KLF8: variants seen among roughly 807,000 people sequenced by gnomAD.
The protein encoded by KLF8 is KLF transcription factor 8, also known as Krueppel-like factor 8.
Under a neutral mutation model 18.2 loss-of-function variants are expected in KLF8, and 10 were observed. The ratio of observed to expected loss-of-function variants is 0.55; its 90% confidence interval spans 0.34 to 0.93. The LOEUF is 0.93. KLF8 is among the 40% of genes least tolerant of loss of function. The pLI is 0.02. For missense variants in KLF8, 264 were observed against 277.9 expected (o/e 0.95, Z 0.36); for synonymous variants, 109 against 97.3 (o/e 1.12, Z -0.71).
At chrX:55,970,351 A>G in the KLF8 span, among the ~76,000 whole-genome samples, 1 of 111,696 alleles carries the variant, frequency 9.0e-6, no homozygotes, top group Non-Finnish European at 1.9e-5. Flanking sequence ...TGATGCTGAA[A>G]AAAAAATTTG....
At chrX:56,079,352 C>T in the KLF8 span, among the ~76,000 whole-genome samples, 2 of 110,721 alleles carry the variant, frequency 1.8e-5, no homozygotes, top group Non-Finnish European at 3.8e-5. Context: ...TCTTTGTTCT[C>T]GTTGGTTTCA....
chrX:56,288,813 G>A lies in KLF8; in HGVS notation c.*4319G>A, dbSNP rs2067294834. Among the ~76,000 whole-genome samples the A allele has an allele frequency of 1.8e-5, 2 of 112,386 alleles. No homozygotes were observed. The highest frequency in any genetic ancestry group is 1.9e-4 in the Admixed American group (2 of 10,591). ...GTAAAAAATGCAATATCAGCAAAGT[G>A]CAATAAAGTGAAGCACAATAAAACG... On this transcript the variant is annotated 3_prime_UTR_variant, in exon 6 of 6. Coordinates refer to ENST00000468660, the MANE Select transcript of KLF8 (RefSeq NM_007250.5).
the KLF8 span, among the ~76,000 whole-genome samples, chrX:56,007,257 A>G: frequency 9.0e-6 from 1 of 110,666 alleles, no homozygotes; most frequent in African/African-American, 3.3e-5. Context: ...TGGGATGTAG[A>G]GATGCAGGGT....
the KLF8 span, among the ~76,000 whole-genome samples, chrX:56,080,904 T>A: frequency 9.0e-6 from 1 of 111,169 alleles, no homozygotes; most frequent in Non-Finnish European, 1.9e-5. Context: ...TCATTTCATC[T>A]TCCATCACTG....
At chrX:56,112,491 T>A in the KLF8 span, among the ~76,000 whole-genome samples, 39 of 112,153 alleles carry the variant, frequency 3.5e-4, no homozygotes, top group Non-Finnish European at 6.6e-4. Flanking sequence ...AAAAAAATTT[T>A]AAAAAAGAAA....
the KLF8 span, among the ~76,000 whole-genome samples, chrX:56,094,246 G>A: frequency 9.0e-6 from 1 of 110,535 alleles, no homozygotes; most frequent in Admixed American, 9.7e-5. Context: ...GACCTAGATA[G>A]GTTATAAGTA....
intron 2 of KLF8, among the ~76,000 whole-genome samples, chrX:56,259,501 A>G (rs1358333220): frequency 9.1e-6 from 1 of 110,362 alleles, no homozygotes; most frequent in Non-Finnish European, 1.9e-5. Flanking sequence ...AGTATAGCTC[A>G]CCAAACTCTT....
At chrX:56,012,848 G>T in the KLF8 span, among the ~76,000 whole-genome samples, 1 of 109,132 alleles carries the variant, frequency 9.2e-6, no homozygotes, top group Non-Finnish European at 1.9e-5. Flanking sequence ...CACAGAATTA[G>T]AAAAAAAAAC....
At chrX:56,084,813 GA>G in the KLF8 span, among the ~76,000 whole-genome samples, 1 of 111,443 alleles carries the variant, frequency 9.0e-6, no homozygotes. Flanking sequence ...ACACATGAAG[GA>G]AAAAAAGTGT....
chrX:56,133,252 T>C, the KLF8 span, among the ~76,000 whole-genome samples: 10 of 111,815 alleles, frequency 8.9e-5, no homozygotes, highest in African/African-American at 3.2e-4. Context: ...TGAACATAGA[T>C]GCAAATATCC....
rs748115907 is a variant in KLF8 at position 56,284,518 on chromosome X, G to A, written c.*24G>A. The A allele has an allele frequency of 1.7e-5, 19 of 1,094,342 alleles. No homozygotes were observed. Among genetic ancestry groups the A allele is most frequent in the Non-Finnish European group, 2.3e-5 (19 of 831,730 alleles). The allele number at this position is 1,094,342 out of a possible 1,213,427, so 90.2% of individuals were successfully genotyped here. On this transcript the variant is annotated 3_prime_UTR_variant, in exon 6 of 6. Coordinates refer to ENST00000468660, the MANE Select transcript of KLF8 (RefSeq NM_007250.5). Reference sequence around the variant, plus strand: ...GAGCCGCACAGGTCACACTAGAGAAGCTGCGCTGGTATCTTTCCTGGTCGT... The same window carrying A: ...GAGCCGCACAGGTCACACTAGAGAAACTGCGCTGGTATCTTTCCTGGTCGT...
At chrX:56,124,821 T>C in the KLF8 span, among the ~76,000 whole-genome samples, 1 of 112,463 alleles carries the variant, frequency 8.9e-6, no homozygotes, top group African/African-American at 3.2e-5. Flanking sequence ...TTTCACATTC[T>C]CATTCCCATT....
At chrX:55,936,953 G>A in the KLF8 span, among the ~76,000 whole-genome samples, 31 of 112,182 alleles carry the variant, frequency 2.8e-4, no homozygotes, top group Non-Finnish European at 4.5e-4. Context: ...TGGGGGCAGG[G>A]CACAGACAAA....
chrX:55,963,793 A>T, the KLF8 span, among the ~76,000 whole-genome samples: 1 of 111,772 alleles, frequency 8.9e-6, no homozygotes, highest in African/African-American at 3.3e-5. Context: ...TTTACAGGAT[A>T]CTCCACCCAA....
At chrX:56,192,413 A>G in the KLF8 span, among the ~76,000 whole-genome samples, 1 of 111,887 alleles carries the variant, frequency 8.9e-6, no homozygotes, top group Non-Finnish European at 1.9e-5. Context: ...TACAGGTTCA[A>G]TGCAATCTCG....
the KLF8 span, among the ~76,000 whole-genome samples, chrX:55,936,308 T>A: frequency 1.8e-5 from 2 of 112,316 alleles, no homozygotes; most frequent in Non-Finnish European, 3.8e-5. Flanking sequence ...ATTAGGTGGG[T>A]ATACAGTGGT....
the KLF8 span, among the ~76,000 whole-genome samples, chrX:56,140,470 G>A: frequency 1.8e-5 from 2 of 111,386 alleles, no homozygotes; most frequent in Non-Finnish European, 3.8e-5. Context: ...CATGGATGGA[G>A]ATGGCAGACA....
the KLF8 span, among the ~76,000 whole-genome samples, chrX:56,151,780 A>C: frequency 9.0e-6 from 1 of 111,292 alleles, no homozygotes; most frequent in African/African-American, 3.3e-5. Context: ...TACAGTGTTC[A>C]TATACATTTG....
At chrX:56,021,585 CT>C in the KLF8 span, among the ~76,000 whole-genome samples, 184 of 98,220 alleles carry the variant, frequency 1.9e-3, no homozygotes, top group East Asian at 2.4e-3. Flanking sequence ...CTGACCCGCT[CT>C]TTTTTTTTTT....
Sources: allele counts gnomAD v4.1 joint callset (sites outside exome capture counted in the v4.1 genomes callset), GRCh38; gene constraint gnomAD v4.1.1; transcripts MANE v1.5; gene names NCBI Gene and HGNC (gene_info 2026-07-23, HGNC 2026-07-21).